The following ABCC4 variants were observed in gnomAD, a reference collection of about 807,000 sequenced individuals.
The protein encoded by ABCC4 is ATP binding cassette subfamily C member 4 (PEL blood group).
A neutral mutation model predicts 168.5 loss-of-function variants in ABCC4; 102 were observed. The ratio of observed to expected loss-of-function variants is 0.61; its 90% CI spans 0.52 to 0.71. The LOEUF is 0.71. ABCC4 is among the 30% of genes least tolerant of loss of function. The pLI, the probability that ABCC4 is intolerant of heterozygous loss-of-function variation, is 0.00. For synonymous variants in ABCC4, 617 were observed against 590.7 expected (o/e 1.04, Z -0.65); for missense variants, 1,402 against 1,605.8 (o/e 0.87, Z 2.17).
At chr13:95,145,312 C>A (rs1461922420) in intron 19 of ABCC4, among the ~76,000 whole-genome samples, 1 of 151,984 alleles carries the variant, frequency 6.6e-6, no homozygotes, top group African/African-American at 2.4e-5. Flanking sequence ...GAAAATAAAT[C>A]ATTCTACCAC....
intron 21 of ABCC4, among the ~76,000 whole-genome samples, chr13:95,081,837 CTAA>C (rs2034107252): frequency 6.6e-6 from 1 of 151,980 alleles, no homozygotes; most frequent in African/African-American, 2.4e-5. Flanking sequence ...CCCATCTCTA[CTAA>C]TAATATGAAA....
intron 19 of ABCC4, among the ~76,000 whole-genome samples, chr13:95,137,612 G>T (rs1209091664): frequency 6.6e-6 from 1 of 152,136 alleles, no homozygotes. Flanking sequence ...GCACCTGCGG[G>T]TCAAATGCAG....
intron 19 of ABCC4, among the ~76,000 whole-genome samples, chr13:95,149,960 T>C (rs182283730): frequency 1.3e-5 from 2 of 152,326 alleles, no homozygotes; most frequent in Non-Finnish European, 2.9e-5. Context: ...GGAGATATAC[T>C]GTTTTCTCAG....
chr13:95,034,576 T>G (rs372926483), intron 30 of ABCC4, 29 bp downstream of exon 30: 1 of 1,605,014 alleles, frequency 6.2e-7, no homozygotes, highest in South Asian at 1.1e-5. Context: ...GAGACAAACT[T>G]TAATTACAAC....
intron 19 of ABCC4, among the ~76,000 whole-genome samples, chr13:95,145,430 G>A (rs1406419027): frequency 6.6e-6 from 1 of 150,776 alleles, no homozygotes; most frequent in African/African-American, 2.4e-5. Context: ...CAGCCTGTCT[G>A]GGTAACATGG....
chr13:95,197,696 G>A (rs1277561758), intron 8 of ABCC4, among the ~76,000 whole-genome samples: 1 of 152,180 alleles, frequency 6.6e-6, no homozygotes, highest in African/African-American at 2.4e-5. Context: ...CAGAGTGGAC[G>A]GTTGGCAAAA....
intron 29 of ABCC4, among the ~76,000 whole-genome samples, chr13:95,041,514 A>T (rs1161283257): frequency 6.6e-6 from 1 of 152,172 alleles, no homozygotes; most frequent in Admixed American, 6.5e-5. Context: ...AGTGTTGGTT[A>T]TGTCCTTCAT....
chr13:95,133,169 AG>A (rs2036032412), intron 19 of ABCC4, among the ~76,000 whole-genome samples: 1 of 129,874 alleles, frequency 7.7e-6, no homozygotes, highest in South Asian at 2.4e-4. Context: ...GCTGGAGTGC[AG>A]GGGCACAGTC....
At chr13:95,167,112 G>A (rs1172447255) in intron 14 of ABCC4, among the ~76,000 whole-genome samples, 1 of 151,910 alleles carries the variant, frequency 6.6e-6, no homozygotes, top group African/African-American at 2.4e-5. Context: ...AGAAGGCGGA[G>A]GTTGCAGTGA....
intron 13 of ABCC4, 143 bp downstream of exon 13, chr13:95,177,564 T>C (rs1397935456): frequency 2.5e-5 from 15 of 600,044 alleles, no homozygotes; most frequent in Admixed American, 1.3e-4. Context: ...TTCTCTAAAA[T>C]GGATCTTCAG....
At chr13:95,097,656 T>C (rs532709391) in intron 20 of ABCC4, among the ~76,000 whole-genome samples, 1 of 139,982 alleles carries the variant, frequency 7.1e-6, no homozygotes, top group Non-Finnish European at 1.5e-5. Context: ...AAGTAAATAC[T>C]GGGCCATTAA....
At chr13:95,272,966 C>A (rs1478169471) in intron 1 of ABCC4, among the ~76,000 whole-genome samples, 1 of 151,510 alleles carries the variant, frequency 6.6e-6, no homozygotes, top group Non-Finnish European at 1.5e-5. Context: ...CAAAATCATA[C>A]ACACACACAC....
intron 4 of ABCC4, among the ~76,000 whole-genome samples, chr13:95,218,945 GAAAGAAAGAA>G (rs2039216340): frequency 3.3e-5 from 1 of 30,708 alleles, no homozygotes; most frequent in African/African-American, 1.8e-4. Flanking sequence ...AAGAAAGAAA[GAAAGAAAGAA>G]AGAAAGAAAG....
At chr13:95,199,643 A>G (rs1371478900) in intron 8 of ABCC4, among the ~76,000 whole-genome samples, 1 of 152,086 alleles carries the variant, frequency 6.6e-6, no homozygotes, top group Non-Finnish European at 1.5e-5. Context: ...TTTCAAATCT[A>G]TCCAAGGCTG....
chr13:95,070,812 G>A (rs1313933020), intron 25 of ABCC4, among the ~76,000 whole-genome samples: 1 of 152,142 alleles, frequency 6.6e-6, no homozygotes, highest in Non-Finnish European at 1.5e-5. Flanking sequence ...TGATCAAACT[G>A]TTTCAGAAAG....
At position 95,209,538 on chromosome 13, in the gene ABCC4, G is replaced by A. The variant is rs767493550; in HGVS notation, c.681C>T (p.Ala227=). 2 of 1,614,122 alleles carry A rather than the reference G, an allele frequency of 1.2e-6. No individual in the cohort carries two copies. Among genetic ancestry groups the A allele is most frequent in the South Asian group, 2.2e-5 (2 of 91,070 alleles). ...AGPLQAIAVT[A]LLWMEIGISC... ...ATATTCCTATCTCCATCCAGAGTAG[G>A]GCAGTCACTGCAATCGCCTGCAGTG... The change falls in exon 6 of 31, where the codon GCC becomes GCT. Residue 227 remains alanine (A), a synonymous_variant. Transcript: ENST00000645237.
intron 21 of ABCC4, among the ~76,000 whole-genome samples, chr13:95,078,747 A>G (rs2033994784): frequency 6.6e-6 from 1 of 152,176 alleles, no homozygotes; most frequent in Non-Finnish European, 1.5e-5. Flanking sequence ...AATCACTAGA[A>G]CCATGCTCTT....
At chr13:95,209,402 T>C (rs375684577) in intron 6 of ABCC4, 32 bp downstream of exon 6, 16 of 1,607,012 alleles carry the variant, frequency 1.0e-5, no homozygotes, top group Non-Finnish European at 1.2e-5. Flanking sequence ...ACCAAATACA[T>C]ATGACATTTT....
At chr13:95,191,893 G>A (rs995779972) in intron 9 of ABCC4, among the ~76,000 whole-genome samples, 11 of 152,154 alleles carry the variant, frequency 7.2e-5, no homozygotes, top group African/African-American at 2.7e-4. Flanking sequence ...TTTCTGCCCC[G>A]CCGGGAGGCC....
Sources: gnomAD v4.1 joint callset for allele counts (sites outside exome capture counted in the v4.1 genomes callset) on GRCh38, gnomAD v4.1.1 for gene constraint, MANE v1.5 for transcripts, NCBI Gene and HGNC (gene_info 2026-07-23, HGNC 2026-07-21) for gene names.